The following PREX2 variants were observed in gnomAD, a reference collection of about 807,000 sequenced individuals.
The protein encoded by PREX2 is phosphatidylinositol-3,4,5-trisphosphate dependent Rac exchange factor 2.
PREX2 carries 107 observed loss-of-function variants against 203.2 expected under a neutral mutation model. The observed-to-expected ratio is 0.53, with a 90% CI of 0.45 to 0.62. The LOEUF (loss-of-function observed/expected upper bound fraction) is 0.62. PREX2 is among the 20% of genes least tolerant of loss of function. The pLI is 0.00. For synonymous variants in PREX2, 672 were observed against 663.6 expected, an observed-to-expected ratio of 1.01 and a Z score of -0.19; for missense variants, 1,777 against 1,955.9, an observed-to-expected ratio of 0.91 and a Z score of 1.72.
intron 6 of PREX2, among the ~76,000 whole-genome samples, chr8:68,031,385 G>A (rs182152102): frequency 5.6e-4 from 85 of 152,202 alleles, no homozygotes; most frequent in African/African-American, 2.0e-3. Context: ...TATAAAGTAA[G>A]CAATTAAGAT....
At chr8:68,034,402 T>G (rs1807973693) in intron 6 of PREX2, among the ~76,000 whole-genome samples, 2 of 152,306 alleles carry the variant, frequency 1.3e-5, no homozygotes, top group South Asian at 4.1e-4. Flanking sequence ...TAATGATAAC[T>G]GTAGCCTTTG....
At chr8:68,203,126 C>T (rs1812541468) in intron 37 of PREX2, among the ~76,000 whole-genome samples, 1 of 152,146 alleles carries the variant, frequency 6.6e-6, no homozygotes, top group South Asian at 2.1e-4. Context: ...TAATCAAATG[C>T]CACACTACAT....
intron 1 of PREX2, among the ~76,000 whole-genome samples, chr8:67,962,932 C>T (rs1178351501): frequency 6.6e-6 from 1 of 152,080 alleles, no homozygotes. Flanking sequence ...TATATATTTA[C>T]AAAATGTATT....
At chr8:67,969,244 G>A (rs1213208387) in intron 1 of PREX2, among the ~76,000 whole-genome samples, 2 of 152,064 alleles carry the variant, frequency 1.3e-5, no homozygotes, top group African/African-American at 4.8e-5. Flanking sequence ...TAAAGGAACC[G>A]GGGACAAGGG....
At chr8:67,966,552 A>G (rs550928719) in intron 1 of PREX2, among the ~76,000 whole-genome samples, 1 of 152,226 alleles carries the variant, frequency 6.6e-6, no homozygotes, top group East Asian at 1.9e-4. Context: ...TTTTAAGCTC[A>G]GGAGTTCAAA....
intron 34 of PREX2, among the ~76,000 whole-genome samples, chr8:68,152,310 A>AAAAAAAAT (rs1252862943): frequency 1.3e-5 from 2 of 150,974 alleles, no homozygotes; most frequent in African/African-American, 4.9e-5. Flanking sequence ...AAAAAAAAAA[A>AAAAAAAAT]GATAAATCTT....
chr8:67,976,539 C>CAGAGACAGAGAGAGAGAG (rs1563480025), intron 1 of PREX2, among the ~76,000 whole-genome samples: 2 of 40,366 alleles, frequency 5.0e-5, no homozygotes, highest in South Asian at 1.3e-3. Context: ...GAGAGAGAGA[C>CAGAGACAGAGAGAGAGAG]GGGAGAGAGA....
chr8:68,176,637 A>G (rs554961824), intron 35 of PREX2: 1 of 152,288 alleles, frequency 6.6e-6, no homozygotes, highest in East Asian at 1.9e-4. Flanking sequence ...AGAGGTATGT[A>G]TTATCCTCAG....
At chr8:68,190,131 A>G (rs1299383294) in intron 35 of PREX2, among the ~76,000 whole-genome samples, 1 of 152,338 alleles carries the variant, frequency 6.6e-6, no homozygotes, top group East Asian at 1.9e-4. Flanking sequence ...ATTTTGCCCA[A>G]TTATACTGTG....
intron 1 of PREX2, among the ~76,000 whole-genome samples, chr8:67,960,852 G>A (rs1196165785): frequency 6.6e-6 from 1 of 151,708 alleles, no homozygotes. Flanking sequence ...TCTGAGGGTG[G>A]ATGTATGATA....
At chr8:68,005,274 G>A (rs961550939) in intron 1 of PREX2, among the ~76,000 whole-genome samples, 8 of 152,080 alleles carry the variant, frequency 5.3e-5, no homozygotes, top group African/African-American at 1.7e-4. Context: ...ACTTCATAAC[G>A]TAGGCAGATT....
At chr8:67,999,482 A>AAAAAAG (rs1806873791) in intron 1 of PREX2, among the ~76,000 whole-genome samples, 1 of 149,696 alleles carries the variant, frequency 6.7e-6, no homozygotes, top group Non-Finnish European at 1.5e-5. Context: ...ACAAACCAAA[A>AAAAAAG]AAAAAAAAAA....
chr8:67,959,654 A>G (rs1554556724), intron 1 of PREX2, among the ~76,000 whole-genome samples: 2 of 152,204 alleles, frequency 1.3e-5, no homozygotes, highest in Non-Finnish European at 2.9e-5. Flanking sequence ...TAACATACCC[A>G]TAGTAAAACA....
intron 15 of PREX2, among the ~76,000 whole-genome samples, chr8:68,080,131 T>G (rs148886990): frequency 1.3e-5 from 2 of 152,216 alleles, no homozygotes; most frequent in African/African-American, 2.4e-5. Context: ...TATAATCTTT[T>G]ATTTAAATTT....
At chr8:67,964,752 T>C (rs1402216580) in intron 1 of PREX2, among the ~76,000 whole-genome samples, 1 of 152,198 alleles carries the variant, frequency 6.6e-6, no homozygotes, top group African/African-American at 2.4e-5. Flanking sequence ...ATTCTGTTTT[T>C]GTTATGTGTT....
intron 7 of PREX2, among the ~76,000 whole-genome samples, chr8:68,038,759 A>G (rs1808109400): frequency 6.6e-6 from 1 of 152,020 alleles, no homozygotes; most frequent in African/African-American, 2.4e-5. Context: ...TCACACATGA[A>G]TTTAGTGATT....
At chr8:67,955,395 G>C (rs1178483546) in intron 1 of PREX2, among the ~76,000 whole-genome samples, 1 of 152,134 alleles carries the variant, frequency 6.6e-6, no homozygotes, top group African/African-American at 2.4e-5. Context: ...TTTGAACAAA[G>C]CTCTGTGTCT....
At chr8:68,030,992 G>A (rs1473771900) in intron 6 of PREX2, among the ~76,000 whole-genome samples, 2 of 152,110 alleles carry the variant, frequency 1.3e-5, no homozygotes, top group Non-Finnish European at 2.9e-5. Context: ...TCCTGGGAGA[G>A]TGAAGAAGGG....
chr8:68,171,049 A>G (rs1203695446), intron 35 of PREX2, among the ~76,000 whole-genome samples: 2 of 152,216 alleles, frequency 1.3e-5, no homozygotes, highest in Non-Finnish European at 2.9e-5. Context: ...AAATAGTAAA[A>G]TGAGATAAAA....
Sources: gnomAD v4.1 joint callset for allele counts (sites outside exome capture counted in the v4.1 genomes callset) on GRCh38, gnomAD v4.1.1 for gene constraint, MANE v1.5 for transcripts, NCBI Gene and HGNC (gene_info 2026-07-23, HGNC 2026-07-21) for gene names.